SDK1: variants seen among roughly 807,000 people sequenced by gnomAD.
The protein encoded by SDK1 is sidekick cell adhesion molecule 1.
A neutral mutation model predicts 245.5 loss-of-function variants in SDK1; 157 were observed. The ratio of observed to expected loss-of-function variants is 0.64; its 90% CI spans 0.56 to 0.73. The LOEUF is 0.73. Ranked by LOEUF, SDK1 falls within the 30% of genes least tolerant of loss-of-function variation. The probability of loss-of-function intolerance (pLI) is 0.00; values close to 1 mark genes in which losing one functional copy is unlikely to be tolerated. For synonymous variants in SDK1, 1,647 were observed against 1,278.5 expected (o/e 1.29, Z -6.15); for missense variants, 3,583 against 3,002.3 (o/e 1.19, Z -4.52).
Position 4,265,275 on chromosome 7 carries a change from C to T in SDK1, c.6533C>T (p.Ala2178Val), listed in dbSNP as rs746870660. 8.2e-6 allele frequency: 13 copies of T among 1,590,984 alleles called. No homozygotes were observed. The East Asian group carries it at 1.4e-4, about 17-fold the overall frequency. ...HRYEAVAGSEAGAQLHPVITT... is the reference protein window; with the variant it reads ...HRYEAVAGSEVGAQLHPVITT... ...TACGAGGCGGTGGCGGGCTCCGAGG[C>T]GGGCGCGCAGCTGCACCCGGTCATC... is the stretch of plus-strand genomic sequence containing the variant. The change falls in exon 45 of 45, where the codon GCG (alanine) becomes GTG (valine). Residue 2178 changes from alanine (A) to valine (V), a missense_variant. Coordinates refer to ENST00000404826, the MANE Select transcript of SDK1 (RefSeq NM_152744.4).
chr7:4,139,705 ATGTGTG>A (rs368036304), intron 28 of SDK1, among the ~76,000 whole-genome samples: 3 of 111,952 alleles, frequency 2.7e-5, no homozygotes, highest in East Asian at 4.4e-4. Context: ...GTGTGTGTGT[ATGTGTG>A]TGTGTGTGTA....
intron 1 of SDK1, among the ~76,000 whole-genome samples, chr7:3,574,393 G>A (rs1296028792): frequency 6.6e-6 from 1 of 152,052 alleles, no homozygotes; most frequent in Non-Finnish European, 1.5e-5. Context: ...TGGGATTACA[G>A]GCATGAGCCA....
chr7:3,340,151 TA>T (rs1780308477), intron 1 of SDK1, among the ~76,000 whole-genome samples: 1 of 151,960 alleles, frequency 6.6e-6, no homozygotes, highest in Non-Finnish European at 1.5e-5. Flanking sequence ...AACTAAAACT[TA>T]ATAAAACTCA....
At chr7:3,522,169 G>T (rs1252015810) in intron 1 of SDK1, among the ~76,000 whole-genome samples, 19 of 150,782 alleles carry the variant, frequency 1.3e-4, no homozygotes, top group African/African-American at 4.4e-4. Context: ...TTTTTTTGAG[G>T]CCCTGGTGTT....
Position 4,012,549 on chromosome 7 carries a change from C to CTTTTTTTTTTTTTTTTTTTTTT in SDK1, c.2420+336_2420+357dup, listed in dbSNP as rs777199429. Reference sequence around the variant, plus strand: ...GCAAGGTATATTGTTCAATGTGAAGCTTTTTTTTTTTTTTTTTTTTTTTTT... The same window carrying CTTTTTTTTTTTTTTTTTTTTTT: ...GCAAGGTATATTGTTCAATGTGAAGCTTTTTTTTTTTTTTTTTTTTTTTTTTTTTTTTTTTTTTTTTTTTTTT... On this transcript the variant is annotated intron_variant, in intron 16 of 44. Transcript: ENST00000404826. Among the ~76,000 whole-genome samples, 21 of 25,988 alleles carry CTTTTTTTTTTTTTTTTTTTTTT rather than the reference C, an allele frequency of 8.1e-4. 8 individuals carry two copies. Among genetic ancestry groups the CTTTTTTTTTTTTTTTTTTTTTT allele is most frequent in the East Asian group, 2.4e-3 (2 of 832 alleles). The allele number at this position is 25,988 out of a possible 152,430, so 17.0% of individuals were successfully genotyped here.
chr7:3,526,729 GTTTCTT>G (rs2128616647), intron 1 of SDK1, among the ~76,000 whole-genome samples: 1 of 152,062 alleles, frequency 6.6e-6, no homozygotes, highest in African/African-American at 2.4e-5. Context: ...TATCTGTTCT[GTTTCTT>G]TTTCTTTTTT....
chr7:3,444,799 G>A (rs1247094268), intron 1 of SDK1, among the ~76,000 whole-genome samples: 1 of 152,204 alleles, frequency 6.6e-6, no homozygotes, highest in Non-Finnish European at 1.5e-5. Context: ...TTGCACAGAT[G>A]ACTTTTTAAA....
intron 5 of SDK1, among the ~76,000 whole-genome samples, chr7:3,882,793 C>T (rs931077903): frequency 5.9e-5 from 9 of 152,120 alleles, no homozygotes; most frequent in Non-Finnish European, 1.3e-4. Flanking sequence ...CAATTCTCTT[C>T]ACCAGTTAAA....
At chr7:3,319,194 C>T (rs1779734093) in intron 1 of SDK1, among the ~76,000 whole-genome samples, 1 of 152,162 alleles carries the variant, frequency 6.6e-6, no homozygotes, top group African/African-American at 2.4e-5. Context: ...ACTGGAAGAA[C>T]TGTCTCCCTG....
intron 5 of SDK1, among the ~76,000 whole-genome samples, chr7:3,933,370 C>G (rs1335352833): frequency 6.6e-6 from 1 of 152,176 alleles, no homozygotes; most frequent in African/African-American, 2.4e-5. Context: ...GCCTCAGCCT[C>G]CCATAATGCT....
chr7:3,933,820 A>G (rs556656820), intron 5 of SDK1, among the ~76,000 whole-genome samples: 8 of 152,198 alleles, frequency 5.3e-5, no homozygotes, highest in Non-Finnish European at 1.2e-4. Context: ...TTAAGATATG[A>G]AAAAATAAAA....
At chr7:4,112,781 G>A (rs1783431635) in intron 23 of SDK1, among the ~76,000 whole-genome samples, 1 of 151,500 alleles carries the variant, frequency 6.6e-6, no homozygotes, top group African/African-American at 2.4e-5. Flanking sequence ...CTGAGGCAGA[G>A]TCTCGCTCTG....
At chr7:3,674,381 G>T (rs1040425421) in intron 4 of SDK1, among the ~76,000 whole-genome samples, 1 of 152,132 alleles carries the variant, frequency 6.6e-6, no homozygotes, top group African/African-American at 2.4e-5. Flanking sequence ...AGAGAGGGCT[G>T]CTAGGGCATG....
intron 13 of SDK1, among the ~76,000 whole-genome samples, chr7:3,979,969 A>T (rs918634401): frequency 6.6e-6 from 1 of 152,186 alleles, no homozygotes; most frequent in Non-Finnish European, 1.5e-5. Flanking sequence ...ACCCTGAGGC[A>T]TTGGGAGAGG....
At chr7:3,666,698 A>T (rs879341323) in intron 4 of SDK1, among the ~76,000 whole-genome samples, 1 of 151,642 alleles carries the variant, frequency 6.6e-6, no homozygotes, top group African/African-American at 2.4e-5. Flanking sequence ...TAATTGTTTT[A>T]TGCCTAATAT....
chr7:4,056,327 G>C (rs1482265428), intron 19 of SDK1, among the ~76,000 whole-genome samples: 1 of 152,112 alleles, frequency 6.6e-6, no homozygotes, highest in Non-Finnish European at 1.5e-5. Context: ...GGAAAGTTTG[G>C]AGCCTGAATG....
intron 22 of SDK1, among the ~76,000 whole-genome samples, chr7:4,080,139 G>A (rs560707928): frequency 4.7e-4 from 71 of 152,276 alleles, no homozygotes; most frequent in Non-Finnish European, 8.7e-4. Flanking sequence ...CAGCGAGGAG[G>A]GTGGGTGCTG....
At chr7:4,231,780 A>T (rs377638466) in intron 40 of SDK1, among the ~76,000 whole-genome samples, 36 of 152,346 alleles carry the variant, frequency 2.4e-4, no homozygotes, top group South Asian at 2.1e-3. Context: ...AAATACAGAC[A>T]GATACAATAG....
intron 35 of SDK1, among the ~76,000 whole-genome samples, chr7:4,198,728 A>T (rs1049746819): frequency 6.6e-6 from 1 of 151,970 alleles, no homozygotes; most frequent in Non-Finnish European, 1.5e-5. Context: ...GGTTAGGCAG[A>T]TCCAAGTTCA....
Sources: allele counts gnomAD v4.1 joint callset (sites outside exome capture counted in the v4.1 genomes callset), GRCh38; gene constraint gnomAD v4.1.1; transcripts MANE v1.5; gene names NCBI Gene and HGNC (gene_info 2026-07-23, HGNC 2026-07-21).